The following LRRC2 variants were observed in gnomAD, a reference collection of about 807,000 sequenced individuals.
LRRC2 encodes the protein leucine-rich repeat-containing protein 2.
Under a neutral mutation model 40.2 loss-of-function variants are expected in LRRC2, and 27 were observed. That is an observed-to-expected ratio of 0.67 (90% CI 0.49 to 0.93). LRRC2 has a LOEUF of 0.93. LRRC2 is among the 40% of genes least tolerant of loss of function. The pLI, the probability that LRRC2 is intolerant of heterozygous loss-of-function variation, is 0.00. For missense variants in LRRC2, 402 were observed against 439.6 expected (o/e 0.91, Z 0.76); for synonymous variants, 147 against 158.9 (o/e 0.92, Z 0.56).
rs755018420 is a variant in LRRC2, at chr3:46,530,033, T to C, written c.645A>G (p.Gln215=). ...ELPFELSNLK[Q]VTFVDISANK... ...TTGCTGAGATATCTACAAATGTAAC[T>C]TGCTTCAAATTACTTAACTAGAAAT... The change falls in exon 6 of 9, where the codon CAA becomes CAG. Residue 215 remains glutamine (Q), a synonymous_variant. Coordinates refer to ENST00000395905, the MANE Select transcript of LRRC2 (RefSeq NM_024512.5). 5.0e-6 allele frequency: 8 copies of C among 1,612,446 alleles called. No homozygotes were observed. The highest frequency in any genetic ancestry group is 6.8e-6 in the Non-Finnish European group (8 of 1,178,698).
intron 4 of LRRC2, among the ~76,000 whole-genome samples, chr3:46,536,078 A>AACACAGTGTAAGCCC (rs1704264592): frequency 6.6e-6 from 1 of 152,214 alleles, no homozygotes; most frequent in Non-Finnish European, 1.5e-5. Context: ...CAGACTGAAG[A>AACACAGTGTAAGCCC]ACACAGTGTA....
intron 4 of LRRC2, among the ~76,000 whole-genome samples, chr3:46,538,456 G>A (rs1348711220): frequency 1.3e-5 from 2 of 152,086 alleles, no homozygotes; most frequent in Non-Finnish European, 2.9e-5. Flanking sequence ...TCAACATGGT[G>A]AAACCCCTTC....
chr3:46,558,434 T>A (rs1340949324), intron 1 of LRRC2: 1 of 152,190 alleles, frequency 6.6e-6, no homozygotes, highest in Non-Finnish European at 1.5e-5. Flanking sequence ...GTCAGGTCTG[T>A]TTTCAGTCTT....
At chr3:46,552,603 G>A (rs891619962) in intron 1 of LRRC2, among the ~76,000 whole-genome samples, 4 of 151,934 alleles carry the variant, frequency 2.6e-5, no homozygotes, top group Non-Finnish European at 5.9e-5. Flanking sequence ...TCCTCAGTCC[G>A]GCTGACCTAA....
chr3:46,538,498 G>A (rs939066657), intron 4 of LRRC2, among the ~76,000 whole-genome samples: 5 of 151,942 alleles, frequency 3.3e-5, no homozygotes, highest in Admixed American at 6.5e-5. Flanking sequence ...AAATCAGCTG[G>A]TGGCACGTGA....
At chr3:46,557,164 G>A (rs930654111) in intron 1 of LRRC2, among the ~76,000 whole-genome samples, 3 of 152,220 alleles carry the variant, frequency 2.0e-5, no homozygotes, top group South Asian at 2.1e-4. Flanking sequence ...GCCCTGCCCC[G>A]CCTTAACTGA....
At chr3:46,563,461 C>G (rs748861707) in intron 1 of LRRC2, among the ~76,000 whole-genome samples, 5 of 152,088 alleles carry the variant, frequency 3.3e-5, no homozygotes, top group Admixed American at 6.5e-5. Flanking sequence ...GCCTCTTCCC[C>G]CTCAGAGCTC....
At chr3:46,533,045 T>TG in intron 4 of LRRC2, 136 bp from the exon 5 acceptor site, 3 of 889,980 alleles carry the variant, frequency 3.4e-6, no homozygotes, top group East Asian at 2.5e-5. Flanking sequence ...ATTTGGGTTT[T>TG]GGGGGGTGTA....
At chr3:46,540,439 C>T (rs375478186) in intron 3 of LRRC2, among the ~76,000 whole-genome samples, 10 of 151,408 alleles carry the variant, frequency 6.6e-5, no homozygotes, top group Admixed American at 2.0e-4. Flanking sequence ...GAAGGAGAAT[C>T]GCTTGAACCC....
At chr3:46,529,115 CAA>C (rs71942983) in intron 6 of LRRC2, among the ~76,000 whole-genome samples, 67 of 142,242 alleles carry the variant, frequency 4.7e-4, no homozygotes, top group Middle Eastern at 3.6e-3. Flanking sequence ...GACTCTGTCT[CAA>C]AAAAAAAAAA....
At chr3:46,521,403 G>A (rs1414783335) in intron 8 of LRRC2, 119 bp downstream of exon 8, 13 of 684,072 alleles carry the variant, frequency 1.9e-5, no homozygotes, top group Non-Finnish European at 3.1e-5. Context: ...AATAATTTAC[G>A]AAGTAACGTG....
At position 46,551,601 on chromosome 3, in the gene LRRC2, A is replaced by G. The variant is rs575660616; in HGVS notation, c.-10T>C. On this transcript the variant is annotated 5_prime_UTR_variant, in exon 2 of 9. The change abolishes an upstream ATG in the 5' untranslated region. Coordinates refer to ENST00000395905, the MANE Select transcript of LRRC2 (RefSeq NM_024512.5). ...CCACTTTATGTCCCATTTTGGGAGCATGAAATTACCTATTTAAAAAATATA... is the reference window on the plus strand; with the variant it reads ...CCACTTTATGTCCCATTTTGGGAGCGTGAAATTACCTATTTAAAAAATATA... The G allele has an allele frequency of 2.5e-6, 4 of 1,605,726 alleles. No individual in the cohort carries two copies. The highest frequency in any genetic ancestry group is 3.4e-6 in the Non-Finnish European group (4 of 1,177,492).
At chr3:46,537,268 T>C (rs973138088) in intron 4 of LRRC2, among the ~76,000 whole-genome samples, 1 of 152,188 alleles carries the variant, frequency 6.6e-6, no homozygotes. Flanking sequence ...GCCTGGCTAA[T>C]GTTTTACTTT....
At chr3:46,535,092 T>TA (rs1704247846) in intron 4 of LRRC2, among the ~76,000 whole-genome samples, 1 of 152,224 alleles carries the variant, frequency 6.6e-6, no homozygotes, top group Non-Finnish European at 1.5e-5. Context: ...TTACGTTTGG[T>TA]AAAAAAGAGG....
At chr3:46,544,926 G>A in intron 3 of LRRC2, 120 bp downstream of exon 3, 2 of 969,126 alleles carry the variant, frequency 2.1e-6, no homozygotes, top group Admixed American at 1.8e-5. Context: ...GCGTTTCACT[G>A]AGGAAGGGAC....
intron 1 of LRRC2, 141 bp from the exon 2 acceptor site, chr3:46,551,751 C>CTT (rs748541390): frequency 0.086 from 11,941 of 138,432 alleles, 955 homozygotes; most frequent in East Asian, 0.21. Context: ...TGACAGTTTG[C>CTT]TTTTTTTTTT....
At position 46,529,887 on chromosome 3, in the gene LRRC2, T is replaced by C; in HGVS notation, c.773+18A>G. On this transcript the variant is annotated intron_variant, in intron 6 of 8. Transcript: ENST00000395905. Reference sequence around the variant, plus strand: ...AGTAACTAATACATACACCTCACCTTAGAATGCAAGTAGCTACCTGTCTAT... The same window carrying C: ...AGTAACTAATACATACACCTCACCTCAGAATGCAAGTAGCTACCTGTCTAT... 6.2e-7 allele frequency: 1 copy of C among 1,613,864 alleles called. No homozygotes were observed. The highest frequency in any genetic ancestry group is 8.5e-7 in the Non-Finnish European group (1 of 1,179,858).
At chr3:46,541,958 T>C (rs1297507939) in intron 3 of LRRC2, among the ~76,000 whole-genome samples, 1 of 152,110 alleles carries the variant, frequency 6.6e-6, no homozygotes, top group African/African-American at 2.4e-5. Flanking sequence ...TCCTTCTCTG[T>C]ATGCTCCCAT....
intron 1 of LRRC2, chr3:46,559,011 G>A (rs905676791): frequency 6.6e-6 from 1 of 152,128 alleles, no homozygotes; most frequent in Non-Finnish European, 1.5e-5. Flanking sequence ...TGCATAGCAG[G>A]GCGACTATAG....
Sources: allele counts gnomAD v4.1 joint callset (sites outside exome capture counted in the v4.1 genomes callset), GRCh38; gene constraint gnomAD v4.1.1; transcripts MANE v1.5; gene names NCBI Gene and HGNC (gene_info 2026-07-23, HGNC 2026-07-21).